SEC14L1: variants seen among roughly 807,000 people sequenced by gnomAD.
The protein encoded by SEC14L1 is SEC14 like lipid binding 1.
In SEC14L1, 48 loss-of-function variants were observed where a neutral mutation model predicts 85.3. That is an observed-to-expected ratio of 0.56 (90% confidence interval 0.45 to 0.72). The LOEUF is 0.72. Ranked by LOEUF, SEC14L1 falls within the 30% of genes least tolerant of loss-of-function variation. The pLI is 0.00. For missense variants in SEC14L1, 682 were observed against 921.4 expected (o/e 0.74, Z 3.36); for synonymous variants, 391 against 355.5 (o/e 1.10, Z -1.12).
At chr17:77,146,621 T>A (rs1973322561) in intron 3 of SEC14L1, among the ~76,000 whole-genome samples, 1 of 152,120 alleles carries the variant, frequency 6.6e-6, no homozygotes, top group South Asian at 2.1e-4. Context: ...TTCTTTTTTT[T>A]ATGATTTAAA....
intron 2 of SEC14L1, among the ~76,000 whole-genome samples, chr17:77,090,461 C>T (rs1971486412): frequency 6.7e-6 from 1 of 149,522 alleles, no homozygotes; most frequent in African/African-American, 2.5e-5. Flanking sequence ...TCGCGACCAG[C>T]CTGGGCAACA....
In SEC14L1 at chr17:77,206,122, A is replaced by G; in HGVS notation, c.1170-107A>G. 1 of 1,075,586 alleles carries G rather than the reference A, an allele frequency of 9.3e-7. No homozygotes were observed. Among genetic ancestry groups the G allele is most frequent in the Non-Finnish European group, 1.3e-6 (1 of 745,888 alleles). The allele number at this position is 1,075,586 out of a possible 1,614,324, so 66.6% of individuals were successfully genotyped here. ...GCACTATAATTTAAAAAAATTGATT[A>G]TGATGTATTTGGAAATAGCTATAAA... On this transcript the variant is annotated intron_variant, in intron 11 of 16. Transcript: ENST00000436233. This position sits in a 1 kb window ranked among gnomAD's most constrained non-coding sequence, Gnocchi z 4.3.
chr17:77,138,078 G>A (rs955327277), upstream of SEC14L1, among the ~76,000 whole-genome samples: 33 of 152,108 alleles, frequency 2.2e-4, no homozygotes, highest in African/African-American at 7.0e-4. Flanking sequence ...ATAGGGAGTC[G>A]GAGCTGTCTT....
At chr17:77,113,114 G>A (rs1011868967) in intron 3 of SEC14L1, among the ~76,000 whole-genome samples, 2 of 151,936 alleles carry the variant, frequency 1.3e-5, no homozygotes, top group African/African-American at 4.8e-5. Flanking sequence ...AGCCAAGATC[G>A]TACCACTTCA....
intron 1 of SEC14L1, 37 bp downstream of exon 1, chr17:77,141,144 C>T (rs1972999047): frequency 6.6e-6 from 1 of 151,832 alleles, no homozygotes; most frequent in South Asian, 2.1e-4. Context: ...AGTGCGCCCT[C>T]GCCCCGGTCC....
intron 3 of SEC14L1, 123 bp downstream of exon 3, chr17:77,143,782 A>G (rs1422329017): frequency 2.7e-5 from 19 of 698,796 alleles, no homozygotes; most frequent in Non-Finnish European, 4.5e-5. Flanking sequence ...CTCTGTTTTT[A>G]TGCTTATGAA....
At chr17:77,109,495 C>G (rs972407658) in intron 3 of SEC14L1, among the ~76,000 whole-genome samples, 1 of 152,188 alleles carries the variant, frequency 6.6e-6, no homozygotes, top group African/African-American at 2.4e-5. Context: ...AATTAGGCTG[C>G]TATTTCTCTC....
rs532405153 is a variant in SEC14L1, at chr17:77,212,996, C to T, written c.1864-318C>T. 7.2e-4 allele frequency among the ~76,000 whole-genome samples: 109 copies of T among 152,356 alleles called. 2 individuals carry two copies. The highest frequency in any genetic ancestry group is 1.2e-3 in the Admixed American group (19 of 15,312). On this transcript the variant is annotated intron_variant, in intron 15 of 16. Transcript: ENST00000436233. Reference sequence around the variant, plus strand: ...GTCCAGGGAAGCTGTGCTGAGCCCTCCCTCCAGCATGGGTGCCACCAGCCT... The same window carrying T: ...GTCCAGGGAAGCTGTGCTGAGCCCTTCCTCCAGCATGGGTGCCACCAGCCT...
chr17:77,197,872 C>CT (rs1975897540), intron 8 of SEC14L1, among the ~76,000 whole-genome samples: 1 of 152,222 alleles, frequency 6.6e-6, no homozygotes, highest in African/African-American at 2.4e-5. Flanking sequence ...TCCCAAAGGG[C>CT]TGGGATTACA....
intron 3 of SEC14L1, among the ~76,000 whole-genome samples, chr17:77,121,503 C>T (rs769317143): frequency 2.1e-4 from 32 of 152,118 alleles, no homozygotes; most frequent in Non-Finnish European, 3.8e-4. Context: ...GGATTACAGG[C>T]ACGTGCCACC....
At chr17:77,202,346 C>T (rs746844495) in intron 9 of SEC14L1, among the ~76,000 whole-genome samples, 8 of 151,910 alleles carry the variant, frequency 5.3e-5, no homozygotes, top group East Asian at 3.9e-4. Flanking sequence ...AGGCTGGGCG[C>T]GGTGGCTCAC....
At chr17:77,114,836 CAAAAAAAAAA>C (rs35413326) in intron 3 of SEC14L1, among the ~76,000 whole-genome samples, 1 of 66,834 alleles carries the variant, frequency 1.5e-5, no homozygotes, top group Admixed American at 1.7e-4. Flanking sequence ...ACTTCATCTC[CAAAAAAAAAA>C]AAAAAAAAAA....
At chr17:77,129,193 T>C (rs536586989) in intron 3 of SEC14L1, among the ~76,000 whole-genome samples, 1 of 152,288 alleles carries the variant, frequency 6.6e-6, no homozygotes, top group Non-Finnish European at 1.5e-5. Flanking sequence ...ACATAGAGTC[T>C]AACCATTTAC....
chr17:77,205,993 A>ATT (rs1282281636), intron 11 of SEC14L1, among the ~76,000 whole-genome samples: 1 of 152,170 alleles, frequency 6.6e-6, no homozygotes, highest in Non-Finnish European at 1.5e-5. Flanking sequence ...CTTTTCGTGC[A>ATT]TTATCAGTCA....
At chr17:77,125,894 G>C (rs528732782) in intron 3 of SEC14L1, among the ~76,000 whole-genome samples, 1 of 152,222 alleles carries the variant, frequency 6.6e-6, no homozygotes, top group Non-Finnish European at 1.5e-5. Context: ...GCTCACACCT[G>C]TAATCCCAAC....
At chr17:77,188,094 G>T (rs994416658) in intron 3 of SEC14L1, among the ~76,000 whole-genome samples, 3 of 152,094 alleles carry the variant, frequency 2.0e-5, no homozygotes, top group Non-Finnish European at 4.4e-5. Context: ...TATTTACAAA[G>T]AATAATATTG....
At chr17:77,134,314 A>G (rs1035186698) in intron 3 of SEC14L1, among the ~76,000 whole-genome samples, 1 of 151,380 alleles carries the variant, frequency 6.6e-6, no homozygotes, top group South Asian at 2.1e-4. Context: ...CAGTGCTGCA[A>G]TCATGGCTCA....
At chr17:77,202,919 TA>T (rs1195508617) in intron 9 of SEC14L1, among the ~76,000 whole-genome samples, 1 of 112,736 alleles carries the variant, frequency 8.9e-6, no homozygotes. Context: ...ACTCTCTCTC[TA>T]AAAAAAATAA....
At chr17:77,174,377 CAAGCTGTCCT>C (rs1974654539) in intron 3 of SEC14L1, among the ~76,000 whole-genome samples, 2 of 152,188 alleles carry the variant, frequency 1.3e-5, no homozygotes, top group African/African-American at 4.8e-5. Context: ...GCAAGACAGG[CAAGCTGTCCT>C]AAGCTGTATG....
Sources: gnomAD v4.1 joint callset for allele counts (sites outside exome capture counted in the v4.1 genomes callset) on GRCh38, gnomAD v4.1.1 for gene constraint, Gnocchi (gnomAD v3.1) non-coding constraint, MANE v1.5 for transcripts, NCBI Gene and HGNC (gene_info 2026-07-23, HGNC 2026-07-21) for gene names.